The following CRMP1 variants were observed in gnomAD, a reference collection of about 807,000 sequenced individuals.
The protein encoded by CRMP1 is dihydropyrimidinase-related protein 1.
Under a neutral mutation model 68.3 loss-of-function variants are expected in CRMP1, and 19 were observed. That is an observed-to-expected ratio of 0.28 (90% confidence interval 0.19 to 0.41). The LOEUF (loss-of-function observed/expected upper bound fraction) is 0.41, where lower values mean the gene tolerates loss of function less well. Ranked by LOEUF, CRMP1 falls within the 10% of genes least tolerant of loss-of-function variation. CRMP1 has a pLI of 1.00. For missense variants in CRMP1, 791 were observed against 967.4 expected (o/e 0.82, Z 2.42); for synonymous variants, 439 against 399.6 (o/e 1.10, Z -1.18).
At position 5,825,888 on chromosome 4, in the gene CRMP1, C is replaced by G; in HGVS notation, c.1804-229G>C. 1.9e-6 allele frequency: 1 copy of G among 513,138 alleles called. No homozygotes were observed. Among genetic ancestry groups the G allele is most frequent in the Non-Finnish European group, 3.5e-6 (1 of 289,020 alleles). The allele number at this position is 513,138 out of a possible 1,614,324, so 31.8% of individuals were successfully genotyped here. A position where few individuals can be genotyped will look rare whatever the true frequency, so the allele number is the denominator to read the frequency against. ...ACACACACATCTACATACCCACATG[C>G]ATACACATACAGACGCACACACCAC... On this transcript the variant is annotated intron_variant, in intron 12 of 13. Coordinates refer to ENST00000324989, the MANE Select transcript of CRMP1 (RefSeq NM_001014809.3). The surrounding 1 kb of genome is among the most constrained non-coding windows in gnomAD (Gnocchi z 4.4).
At position 5,879,133 on chromosome 4, in the gene CRMP1, T is replaced by C. The variant is rs747087290; in HGVS notation, c.382-12377A>G. Among the ~76,000 whole-genome samples the C allele has an allele frequency of 1.4e-4, 21 of 151,860 alleles. No homozygotes were observed. Among genetic ancestry groups the C allele is most frequent in the Non-Finnish European group, 2.6e-4 (18 of 67,954 alleles). ...CCTCATCTGTAGGACAAAGCTCACC[T>C]CCTAGGCTCTTCCCGGCCTGAGCCC... is the stretch of plus-strand genomic sequence containing the variant. On this transcript the variant is annotated intron_variant, in intron 1 of 13. Coordinates refer to ENST00000324989, the MANE Select transcript of CRMP1 (RefSeq NM_001014809.3). This position sits in a 1 kb window ranked among gnomAD's most constrained non-coding sequence, Gnocchi z 4.2.
chr4:5,828,541 G>T lies in CRMP1; in HGVS notation c.1751C>A (p.Pro584Gln), dbSNP rs370759908. The change falls in exon 12 of 14, where the codon CCG becomes CAG. Residue 584 changes from proline (P) to glutamine (Q), a missense_variant. Pro to Gln is a moderately conservative substitution (Grantham distance 76, BLOSUM62 -1). This residue lies in a region of CRMP1 where 594 missense variants were observed against 763.6 expected (regional missense o/e 0.78). Coordinates refer to ENST00000324989, the MANE Select transcript of CRMP1 (RefSeq NM_001014809.3). ...NVNKGMGRFI[P>Q]RKAFPEHLYQ... ...CAGGTGCTCCGGGAACGCCTTCCGC[G>T]GAATGAAGCGGCCCATGCCCTTGTT... 6.2e-7 allele frequency: 1 copy of T among 1,614,238 alleles called. No individual in the cohort carries two copies. Among genetic ancestry groups the T allele is most frequent in the Non-Finnish European group, 8.5e-7 (1 of 1,180,038 alleles).
rs982460429 is a variant in CRMP1, at chr4:5,876,373, C to T, written c.382-9617G>A. Among the ~76,000 whole-genome samples the T allele has an allele frequency of 1.3e-4, 20 of 152,094 alleles. 1 individual carries two copies. Among genetic ancestry groups the T allele is most frequent in the African/African-American group, 3.4e-4 (14 of 41,496 alleles). On this transcript the variant is annotated intron_variant, in intron 1 of 13. Coordinates refer to ENST00000324989, the MANE Select transcript of CRMP1 (RefSeq NM_001014809.3). ...CCCACTAGAGCAGTCATTGCAATCA[C>T]GAAGAGGTGGGTGTCAACATAGGGT...
intron 1 of CRMP1, among the ~76,000 whole-genome samples, chr4:5,878,548 G>A (rs1307338613): frequency 6.6e-6 from 1 of 152,112 alleles, no homozygotes; most frequent in Admixed American, 6.5e-5. Context: ...TGGGAGCCAG[G>A]TGCTTATATT....
Position 5,889,552 on chromosome 4 carries a change from A to C in CRMP1, c.381+3037T>G. The C allele has an allele frequency of 6.5e-7, 1 of 1,534,556 alleles. No individual in the cohort carries two copies. The highest frequency in any genetic ancestry group is 8.7e-7 in the Non-Finnish European group (1 of 1,145,508). On this transcript the variant is annotated intron_variant, in intron 1 of 13. Coordinates refer to ENST00000324989, the MANE Select transcript of CRMP1 (RefSeq NM_001014809.3). The surrounding 1 kb of genome is among the most constrained non-coding windows in gnomAD (Gnocchi z 4.5). The stretch of plus-strand genomic sequence containing the variant: ...GAAAAGATGAAAGAAGATGGAGGAA[A>C]AGGGGGAGCCCCAGCAAGCCCCAAC...
In CRMP1 at chr4:5,843,730, A is replaced by T. The variant is rs1711969540; in HGVS notation, c.964-569T>A. Among the ~76,000 whole-genome samples, 1 of 152,176 alleles carries T rather than the reference A, an allele frequency of 6.6e-6. No individual in the cohort carries two copies. The highest frequency in any genetic ancestry group is 2.4e-5 in the African/African-American group (1 of 41,438). ...TACTACGCTGATCAGATGAGCGAGC[A>T]TACGAAACATGCTCAGCACAAAACC... is the stretch of plus-strand genomic sequence containing the variant. On this transcript the variant is annotated intron_variant, in intron 6 of 13. Transcript: ENST00000324989. The surrounding 1 kb of genome is among the most constrained non-coding windows in gnomAD (Gnocchi z 4.1).
rs1053639957 is a variant in CRMP1 at position 5,888,856 on chromosome 4, G to C, written c.381+3733C>G. Reference sequence around the variant, plus strand: ...TGGGGGGAGGGAGTGTGGGACGGGGGCCAAGGATCGGCCCAAGCTGCTGGG... The same window carrying C: ...TGGGGGGAGGGAGTGTGGGACGGGGCCCAAGGATCGGCCCAAGCTGCTGGG... On this transcript the variant is annotated intron_variant, in intron 1 of 13. Transcript: ENST00000324989. This position sits in a 1 kb window ranked among gnomAD's most constrained non-coding sequence, Gnocchi z 6.4. Among the ~76,000 whole-genome samples, 2 of 151,880 alleles carry C rather than the reference G, an allele frequency of 1.3e-5. No homozygotes were observed. Among genetic ancestry groups the C allele is most frequent in the African/African-American group, 4.8e-5 (2 of 41,352 alleles).
Position 5,836,103 on chromosome 4 carries a change from A to C in CRMP1, c.1453-18T>G. On this transcript the variant is annotated intron_variant, in intron 10 of 13. Coordinates refer to ENST00000324989, the MANE Select transcript of CRMP1 (RefSeq NM_001014809.3). ...CCAGTAGCCTACAGGCAAGACCCAC[A>C]GATGAGAAGAGCATCTCATAATGGG... 1 of 1,451,880 alleles carries C rather than the reference A, an allele frequency of 6.9e-7. No homozygotes were observed. Among genetic ancestry groups the C allele is most frequent in the Non-Finnish European group, 9.1e-7 (1 of 1,100,308 alleles). The allele number at this position is 1,451,880 out of a possible 1,614,324, so 89.9% of individuals were successfully genotyped here.
At chr4:5,836,979 A>G in intron 9 of CRMP1, 73 bp from the exon 10 acceptor site, 1 of 1,479,208 alleles carries the variant, frequency 6.8e-7, no homozygotes, top group Non-Finnish European at 9.1e-7. Context: ...TCAGACAGGT[A>G]CATGCAGCAC....
chr4:5,846,722 C>T (rs925218025), intron 6 of CRMP1, among the ~76,000 whole-genome samples: 9 of 145,394 alleles, frequency 6.2e-5, no homozygotes, highest in African/African-American at 2.4e-4. Context: ...TCCCAAGTAG[C>T]TAGGATTACA....
rs770010840 is a variant in CRMP1 at position 5,821,842 on chromosome 4, A to G, written c.1979T>C (p.Ile660Thr). The G allele has an allele frequency of 1.9e-6, 3 of 1,584,186 alleles. No individual in the cohort carries two copies. Among genetic ancestry groups the G allele is most frequent in the Non-Finnish European group, 2.6e-6 (3 of 1,168,616 alleles). The change falls in exon 14 of 14, where the codon ATA (isoleucine) becomes ACA (threonine). Residue 660 changes from isoleucine to threonine, a missense_variant. By Grantham distance (89) the Ile-to-Thr change is moderately conservative. Coordinates refer to ENST00000324989, the MANE Select transcript of CRMP1 (RefSeq NM_001014809.3). The surrounding 1 kb of genome is among the most constrained non-coding windows in gnomAD (Gnocchi z 4.4). ...GGTGCGCCTGGGATTGTTGTCATCT[A>G]TCTGGGCACCTGAAAGAGAGCGCCA... The part of the protein sequence containing the change: ...QSNFSLSGAQ[I>T]DDNNPRRTGH...
rs1035563097 is a variant in CRMP1 at position 5,850,428 on chromosome 4, T to C, written c.883-956A>G. 2.6e-5 allele frequency among the ~76,000 whole-genome samples: 4 copies of C among 152,178 alleles called. No homozygotes were observed. The highest frequency in any genetic ancestry group is 4.8e-5 in the African/African-American group (2 of 41,434). The stretch of plus-strand genomic sequence containing the variant: ...CTCTTTGAGTGTCTTTTGTTGACTG[T>C]ATCAAAGGCCTCCAGGACATCTTGG... On this transcript the variant is annotated intron_variant, in intron 5 of 13. Transcript: ENST00000324989. The surrounding 1 kb of genome is among the most constrained non-coding windows in gnomAD (Gnocchi z 4.4).
Position 5,866,745 on chromosome 4 carries a change from G to A in CRMP1, c.393C>T (p.Leu131=). ...TGATGATCCGTCCACCTTTGATGAG[G>A]AGTCGGTCACTCTGCAAAGCAAGGC... ...LGRDNGQSDR[L]LIKGGRIIND... is the part of the protein sequence containing the mutation. Residue 131 remains leucine (L), a synonymous_variant, in exon 2 of 14, where the codon CTC becomes CTT. Coordinates refer to ENST00000324989, the MANE Select transcript of CRMP1 (RefSeq NM_001014809.3). This position sits in a 1 kb window ranked among gnomAD's most constrained non-coding sequence, Gnocchi z 5.9. 1 of 1,611,510 alleles carries A rather than the reference G, an allele frequency of 6.2e-7. No individual in the cohort carries two copies. The highest frequency in any genetic ancestry group is 1.3e-5 in the African/African-American group (1 of 74,980).
At position 5,829,337 on chromosome 4, in the gene CRMP1, C is replaced by T. The variant is rs145445475; in HGVS notation, c.1624-669G>A. On this transcript the variant is annotated intron_variant, in intron 11 of 13. Coordinates refer to ENST00000324989, the MANE Select transcript of CRMP1 (RefSeq NM_001014809.3). ...CTGGGAGGTGGAGGTTGCAGTGAGCCGAGATCGTGCCACTGCACTCCAGCC... is the reference window on the plus strand; with the variant it reads ...CTGGGAGGTGGAGGTTGCAGTGAGCTGAGATCGTGCCACTGCACTCCAGCC... Among the ~76,000 whole-genome samples the T allele has an allele frequency of 6.9e-3, 1,051 of 152,170 alleles. 19 individuals are homozygous for T. The highest frequency in any genetic ancestry group is 0.024 in the African/African-American group (1,001 of 41,494).
intron 1 of CRMP1, among the ~76,000 whole-genome samples, chr4:5,878,759 T>G (rs920152092): frequency 6.6e-6 from 1 of 152,172 alleles, no homozygotes; most frequent in Admixed American, 6.5e-5. Flanking sequence ...AAATTTTGAA[T>G]GTGAAATGAA....
rs952401869 is a variant in CRMP1 at position 5,889,567 on chromosome 4, C to A, written c.381+3022G>T. The A allele has an allele frequency of 1.3e-6, 2 of 1,535,378 alleles. No individual in the cohort carries two copies. The highest frequency in any genetic ancestry group is 2.7e-5 in the African/African-American group (2 of 73,038). ...GATGGAGGAAAAGGGGGAGCCCCAG[C>A]AAGCCCCAACCTCACTGGACAGGTG... On this transcript the variant is annotated intron_variant, in intron 1 of 13. Coordinates refer to ENST00000324989, the MANE Select transcript of CRMP1 (RefSeq NM_001014809.3). The surrounding 1 kb of genome is among the most constrained non-coding windows in gnomAD (Gnocchi z 4.5).
In CRMP1 at chr4:5,865,776, G is replaced by A. The variant is rs188511183; in HGVS notation, c.470+892C>T. On this transcript the variant is annotated intron_variant, in intron 2 of 13. Coordinates refer to ENST00000324989, the MANE Select transcript of CRMP1 (RefSeq NM_001014809.3). This position sits in a 1 kb window ranked among gnomAD's most constrained non-coding sequence, Gnocchi z 4.1. ...TAAGGAGGTGATTAAGGTTGTTAAGGTTGAATGAGGCCACAGGAGTGGGGC... is the reference window on the plus strand; with the variant it reads ...TAAGGAGGTGATTAAGGTTGTTAAGATTGAATGAGGCCACAGGAGTGGGGC... Among the ~76,000 whole-genome samples the A allele has an allele frequency of 9.5e-4, 145 of 152,200 alleles. 1 individual carries two copies. Among genetic ancestry groups the A allele is most frequent in the Non-Finnish European group, 7.6e-4 (52 of 68,022 alleles).
At chr4:5,839,050 C>A (rs1226246103) in intron 9 of CRMP1, among the ~76,000 whole-genome samples, 2 of 152,258 alleles carry the variant, frequency 1.3e-5, no homozygotes, top group Non-Finnish European at 2.9e-5. Flanking sequence ...AGCAAGTGTG[C>A]TGCAGGCAGC....
chr4:5,824,429 C>T (rs1719200676), intron 13 of CRMP1: 1 of 985,298 alleles, frequency 1.0e-6, no homozygotes, highest in South Asian at 4.7e-5. Flanking sequence ...GAATCAGACA[C>T]TTCCTGAATG....
Sources: allele counts gnomAD v4.1 joint callset (sites outside exome capture counted in the v4.1 genomes callset), GRCh38; gene constraint gnomAD v4.1.1; regional missense constraint gnomAD v4.1.1; non-coding constraint Gnocchi (gnomAD v3.1); transcripts MANE v1.5; gene names NCBI Gene and HGNC (gene_info 2026-07-23, HGNC 2026-07-21).